The following ABR variants were observed in gnomAD, a reference collection of about 807,000 sequenced individuals.
The protein encoded by ABR is ABR activator of RhoGEF and GTPase, also known as active breakpoint cluster region-related protein.
Under a neutral mutation model 107.2 loss-of-function variants are expected in ABR, and 35 were observed. That is an observed-to-expected ratio of 0.33 (90% CI 0.25 to 0.43). ABR has a LOEUF of 0.43. Ranked by LOEUF, ABR falls within the 20% of genes least tolerant of loss-of-function variation. ABR has a pLI of 1.00. For synonymous variants in ABR, 498 were observed against 462.0 expected (o/e 1.08, Z -1.00); for missense variants, 815 against 1,115.2 (o/e 0.73, Z 3.83).
At chr17:1,176,869 C>CAAAAAAA (rs67373798) in intron 1 of ABR, among the ~76,000 whole-genome samples, 6 of 139,186 alleles carry the variant, frequency 4.3e-5, no homozygotes, top group African/African-American at 5.2e-5. Context: ...AAACAAAAAA[C>CAAAAAAA]AAAAAAAAAA....
chr17:1,123,600 G>A (rs865952592), intron 2 of ABR, among the ~76,000 whole-genome samples: 13 of 152,316 alleles, frequency 8.5e-5, no homozygotes, highest in Admixed American at 2.6e-4. Context: ...GAGGTGGCGC[G>A]GGGACAGGCA....
intron 1 of ABR, among the ~76,000 whole-genome samples, chr17:1,145,548 C>G (rs932162747): frequency 6.6e-6 from 1 of 152,230 alleles, no homozygotes; most frequent in African/African-American, 2.4e-5. Flanking sequence ...GTGCTCACCA[C>G]CTGCCTGGGA....
At chr17:1,111,509 C>T (rs958409687) in intron 2 of ABR, among the ~76,000 whole-genome samples, 1 of 151,208 alleles carries the variant, frequency 6.6e-6, no homozygotes, top group African/African-American at 2.5e-5. Flanking sequence ...CCATCTGCCT[C>T]GGCCTGGCTC....
rs1567857297 is a variant in ABR, at chr17:1,172,958, CATCACCTCAGCCCACCCAACA to C, written c.61+6688_61+6708del. 5.6e-5 allele frequency among the ~76,000 whole-genome samples: 5 copies of C among 89,162 alleles called. No individual in the cohort carries two copies. In the Admixed American group the frequency reaches 5.8e-4, roughly 10 times the overall value. 58.5% of individuals were successfully genotyped at this position (89,162 alleles called of 152,430 possible). On this transcript the variant is annotated intron_variant, in intron 1 of 22. Transcript: ENST00000302538. The stretch of plus-strand genomic sequence containing the variant: ...AACAGAGCAGGTAATCCACCCCCCC[CATCACCTCAGCCCACCCAACA>C]CATCACCTCAGTCCACCCAACACAT...
At chr17:1,044,762 A>C (rs1333641090) in intron 16 of ABR, among the ~76,000 whole-genome samples, 2 of 151,698 alleles carry the variant, frequency 1.3e-5, no homozygotes, top group Non-Finnish European at 2.9e-5. Flanking sequence ...GAGGCTCCTG[A>C]CTTTCCTGGG....
intron 2 of ABR, among the ~76,000 whole-genome samples, chr17:1,106,690 C>T (rs770536135): frequency 6.6e-6 from 1 of 152,172 alleles, no homozygotes; most frequent in Non-Finnish European, 1.5e-5. Flanking sequence ...CCACTACGCC[C>T]GGCTAATTTT....
rs2042654094 is a variant in ABR at position 1,200,648 on chromosome 17, C to T, written c.838+28145G>A. Among the ~76,000 whole-genome samples, 1 of 152,106 alleles carries T rather than the reference C, an allele frequency of 6.6e-6. No homozygotes were observed. Among genetic ancestry groups the T allele is most frequent in the Admixed American group, 6.6e-5 (1 of 15,260 alleles). On this transcript the variant is annotated intron_variant, in intron 1 of 22. Transcript: ENST00000574139. This position sits in a 1 kb window ranked among gnomAD's most constrained non-coding sequence, Gnocchi z 4.1. ...GCAGAACAAGTTTCACCTAGATGAGCTATGACCTCACTTTATTCGGGGCCT... is the reference window on the plus strand; with the variant it reads ...GCAGAACAAGTTTCACCTAGATGAGTTATGACCTCACTTTATTCGGGGCCT...
At chr17:1,095,612 C>T (rs1055059575) in intron 3 of ABR, among the ~76,000 whole-genome samples, 1 of 152,190 alleles carries the variant, frequency 6.6e-6, no homozygotes. Context: ...GGGACAAGGG[C>T]AGGCCCCGGC....
At chr17:1,024,550 C>T (rs941189391) in intron 16 of ABR, among the ~76,000 whole-genome samples, 2 of 152,154 alleles carry the variant, frequency 1.3e-5, no homozygotes, top group African/African-American at 2.4e-5. Flanking sequence ...CTGTGGGAGG[C>T]GGAGGCAGGT....
intron 16 of ABR, among the ~76,000 whole-genome samples, chr17:1,042,475 C>T (rs1402351096): frequency 6.6e-6 from 1 of 150,494 alleles, no homozygotes; most frequent in Non-Finnish European, 1.5e-5. Context: ...GCTACATCCA[C>T]GGGTGGGTGG....
At chr17:1,196,969 CAG>C (rs1164983888) in intron 1 of ABR, among the ~76,000 whole-genome samples, 1 of 151,802 alleles carries the variant, frequency 6.6e-6, no homozygotes, top group Admixed American at 6.6e-5. Flanking sequence ...GCTGGGATGA[CAG>C]GCGTGAGCCA....
chr17:1,119,811 C>T (rs1460886035), intron 2 of ABR, among the ~76,000 whole-genome samples: 2 of 152,240 alleles, frequency 1.3e-5, no homozygotes, highest in Non-Finnish European at 2.9e-5. Flanking sequence ...GCTGTGCAGG[C>T]TCTGGCATCA....
chr17:1,019,693 T>C (rs2071470523), intron 16 of ABR, among the ~76,000 whole-genome samples: 1 of 152,284 alleles, frequency 6.6e-6, no homozygotes, highest in Non-Finnish European at 1.5e-5. Context: ...GCAACTGCGC[T>C]GGCTATTTAT....
chr17:1,013,796 C>T (rs558765778), intron 16 of ABR, among the ~76,000 whole-genome samples: 2 of 152,344 alleles, frequency 1.3e-5, no homozygotes, highest in African/African-American at 4.8e-5. Flanking sequence ...TAAGCAAATC[C>T]TCCACAGGGG....
Position 1,031,944 on chromosome 17 carries a change from C to T in ABR, c.1791+18106G>A, listed in dbSNP as rs546138467. 11 of 880,258 alleles carry T rather than the reference C, an allele frequency of 1.2e-5. No homozygotes were observed. The South Asian group carries it at 4.4e-4, about 35-fold the overall frequency. 54.5% of individuals were successfully genotyped at this position (880,258 alleles called of 1,614,324 possible). On this transcript the variant is annotated intron_variant, in intron 16 of 22. Transcript: ENST00000302538. ...CCTCCTCCGCATCCCTCCTTCCCCG[C>T]CCTCCGCGAGGCTGCAGCCCAGGCT... is the stretch of plus-strand genomic sequence containing the variant.
chr17:1,176,633 G>A (rs1020261803), intron 1 of ABR, among the ~76,000 whole-genome samples: 9 of 152,142 alleles, frequency 5.9e-5, no homozygotes, highest in African/African-American at 2.2e-4. Flanking sequence ...ATCACCTGAG[G>A]TCAGGAGTTC....
chr17:1,033,668 C>A (rs894028618), intron 16 of ABR, among the ~76,000 whole-genome samples: 1 of 152,206 alleles, frequency 6.6e-6, no homozygotes, highest in Non-Finnish European at 1.5e-5. Flanking sequence ...CTGGCTCACA[C>A]GTCACACGCA....
chr17:1,085,835 A>T (rs2036558442), intron 4 of ABR, among the ~76,000 whole-genome samples: 1 of 152,248 alleles, frequency 6.6e-6, no homozygotes, highest in East Asian at 1.9e-4. Flanking sequence ...TCACCTGCCT[A>T]TTTTTACTTT....
rs191577426 is a variant in ABR, at chr17:1,054,889, C to G, written c.1561+1146G>C. On this transcript the variant is annotated intron_variant, in intron 14 of 22. Transcript: ENST00000302538. ...GCTGCAGGGAGGGGTGAGGGCAGAC[C>G]CCACCTGCCAGTGAAGAGCAGGGAG... 9.9e-3 allele frequency among the ~76,000 whole-genome samples: 1,507 copies of G among 152,070 alleles called. 29 individuals carry two copies. The highest frequency in any genetic ancestry group is 0.034 in the African/African-American group (1,406 of 41,470).
Sources: allele counts gnomAD v4.1 joint callset (sites outside exome capture counted in the v4.1 genomes callset), GRCh38; gene constraint gnomAD v4.1.1; non-coding constraint Gnocchi (gnomAD v3.1); transcripts MANE v1.5; gene names NCBI Gene and HGNC (gene_info 2026-07-23, HGNC 2026-07-21).